KCNT2: variants seen among roughly 807,000 people sequenced by gnomAD.
KCNT2 encodes potassium channel subfamily T member 2.
Under a neutral mutation model 153.8 loss-of-function variants are expected in KCNT2, and 67 were observed. The ratio of observed to expected loss-of-function variants is 0.44; its 90% CI spans 0.36 to 0.53. The LOEUF (loss-of-function observed/expected upper bound fraction) is 0.53, where lower values mean the gene tolerates loss of function less well. Ranked by LOEUF, KCNT2 falls within the 20% of genes least tolerant of loss-of-function variation. KCNT2 has a pLI of 0.00. For synonymous variants in KCNT2, 500 were observed against 458.8 expected, an observed-to-expected ratio of 1.09 and a Z score of -1.15; for missense variants, 975 against 1,354.8, an observed-to-expected ratio of 0.72 and a Z score of 4.40.
chr1:196,397,751 G>T (rs1459159275), intron 13 of KCNT2, among the ~76,000 whole-genome samples: 1 of 151,424 alleles, frequency 6.6e-6, no homozygotes, highest in Non-Finnish European at 1.5e-5. Context: ...TAACAGGTAA[G>T]AATTTTAAGA....
At chr1:196,376,309 T>C (rs996721062) in intron 13 of KCNT2, among the ~76,000 whole-genome samples, 1 of 151,892 alleles carries the variant, frequency 6.6e-6, no homozygotes, top group African/African-American at 2.4e-5. Flanking sequence ...ATATGTTTCA[T>C]CTACCAGACA....
At chr1:196,338,699 A>C (rs1259327911) in intron 16 of KCNT2, among the ~76,000 whole-genome samples, 1 of 151,910 alleles carries the variant, frequency 6.6e-6, no homozygotes, top group Admixed American at 6.6e-5. Context: ...TTAAGTGTAG[A>C]GTGGCAAGGC....
At position 196,227,473 on chromosome 1, in the gene KCNT2, G is replaced by A. The variant is rs931408341; in HGVS notation, c.*751C>T. 3.9e-5 allele frequency: 6 copies of A among 151,950 alleles called. No homozygotes were observed. The highest frequency in any genetic ancestry group is 2.1e-4 in the South Asian group (1 of 4,824). The allele number at this position is 151,950 out of a possible 1,614,324, so 9.4% of individuals were successfully genotyped here. A position where few individuals can be genotyped will look rare whatever the true frequency, so the allele number is the denominator to read the frequency against. ...AGTATTTTCTCTATGCTAGGCATTC[G>A]TTTAGGAGAATAATAGATATTTGCT... On this transcript the variant is annotated 3_prime_UTR_variant, in exon 28 of 28. Coordinates refer to ENST00000294725, the MANE Select transcript of KCNT2 (RefSeq NM_198503.5).
intron 1 of KCNT2, among the ~76,000 whole-genome samples, chr1:196,576,088 A>ATGTG (rs1379445876): frequency 1.4e-5 from 2 of 147,254 alleles, no homozygotes; most frequent in African/African-American, 5.1e-5. Context: ...ATATATATAT[A>ATGTG]TATGTGTGTG....
chr1:196,268,420 A>C (rs1287253144), intron 25 of KCNT2, among the ~76,000 whole-genome samples: 1 of 152,190 alleles, frequency 6.6e-6, no homozygotes, highest in Non-Finnish European at 1.5e-5. Context: ...TTTCCAAAAT[A>C]CACAATGCTG....
chr1:196,261,304 G>T (rs545701015), intron 25 of KCNT2, among the ~76,000 whole-genome samples: 89 of 151,894 alleles, frequency 5.9e-4, no homozygotes, highest in Admixed American at 2.6e-3. Flanking sequence ...TTGCCTTCTT[G>T]GTTATGTAAT....
At chr1:196,520,533 A>G (rs1188367061) in intron 1 of KCNT2, among the ~76,000 whole-genome samples, 1 of 151,990 alleles carries the variant, frequency 6.6e-6, no homozygotes, top group Non-Finnish European at 1.5e-5. Context: ...TTTGTAGATG[A>G]CATGATTCTC....
At chr1:196,234,284 A>C (rs1654215472) in intron 27 of KCNT2, among the ~76,000 whole-genome samples, 1 of 151,126 alleles carries the variant, frequency 6.6e-6, no homozygotes, top group South Asian at 2.1e-4. Flanking sequence ...ACTACCCAAC[A>C]GCCCCTCTTT....
chr1:196,454,170 G>C (rs565538364), intron 8 of KCNT2, among the ~76,000 whole-genome samples: 1 of 151,968 alleles, frequency 6.6e-6, no homozygotes, highest in African/African-American at 2.4e-5. Flanking sequence ...GGAATTTCCA[G>C]TATAGCAGAT....
intron 25 of KCNT2, among the ~76,000 whole-genome samples, chr1:196,272,092 G>A (rs867677405): frequency 1.1e-4 from 16 of 151,866 alleles, no homozygotes; most frequent in Non-Finnish European, 1.8e-4. Flanking sequence ...CCAAAGTTCA[G>A]GCACAGCTAG....
chr1:196,379,830 A>T (rs1372962038), intron 13 of KCNT2, among the ~76,000 whole-genome samples: 1 of 152,136 alleles, frequency 6.6e-6, no homozygotes, highest in Admixed American at 6.6e-5. Context: ...AACAGGCCTT[A>T]TCTCTAAAAT....
intron 5 of KCNT2, 68 bp from the exon 6 acceptor site, chr1:196,469,136 A>G: frequency 1.2e-6 from 1 of 857,862 alleles, no homozygotes; most frequent in Non-Finnish European, 1.9e-6. Context: ...GGAAAAAGAC[A>G]GCACTTAGAA....
intron 19 of KCNT2, among the ~76,000 whole-genome samples, chr1:196,326,374 C>T (rs1450778594): frequency 6.6e-6 from 1 of 151,818 alleles, no homozygotes; most frequent in Non-Finnish European, 1.5e-5. Context: ...AAAAATTGTC[C>T]AGTTTTGGCA....
chr1:196,547,591 T>A (rs1572788883), intron 1 of KCNT2, among the ~76,000 whole-genome samples: 1 of 151,956 alleles, frequency 6.6e-6, no homozygotes, highest in East Asian at 1.9e-4. Flanking sequence ...TTTTAAAAAA[T>A]TTTGTATGGG....
intron 14 of KCNT2, among the ~76,000 whole-genome samples, chr1:196,364,665 G>C (rs1157204542): frequency 6.6e-6 from 1 of 152,046 alleles, no homozygotes. Context: ...ATGAAATCTT[G>C]AAAGCTAAGC....
At chr1:196,499,942 T>C (rs1256939710) in intron 1 of KCNT2, among the ~76,000 whole-genome samples, 1 of 151,784 alleles carries the variant, frequency 6.6e-6, no homozygotes, top group Non-Finnish European at 1.5e-5. Flanking sequence ...TCAGGAGTTC[T>C]AGACCAGCCT....
At chr1:196,239,501 G>T (rs1176905685) in intron 26 of KCNT2, among the ~76,000 whole-genome samples, 3 of 151,910 alleles carry the variant, frequency 2.0e-5, no homozygotes, top group Non-Finnish European at 2.9e-5. Flanking sequence ...AGAGTAGTTT[G>T]TGTAAATAGA....
intron 1 of KCNT2, among the ~76,000 whole-genome samples, chr1:196,589,263 A>AG (rs1377517593): frequency 7.2e-4 from 39 of 54,234 alleles, no homozygotes; most frequent in Admixed American, 3.7e-3. Flanking sequence ...ATATAAAAAA[A>AG]AGTGTGTGTG....
intron 8 of KCNT2, among the ~76,000 whole-genome samples, chr1:196,449,110 T>C (rs1336429776): frequency 1.3e-5 from 2 of 151,636 alleles, no homozygotes; most frequent in African/African-American, 4.8e-5. Context: ...GGGAGAACAG[T>C]TAAAGCATTT....
Sources: gnomAD v4.1 joint callset for allele counts (sites outside exome capture counted in the v4.1 genomes callset) on GRCh38, gnomAD v4.1.1 for gene constraint, MANE v1.5 for transcripts, NCBI Gene and HGNC (gene_info 2026-07-23, HGNC 2026-07-21) for gene names.